CAMK1D: variants seen among roughly 807,000 people sequenced by gnomAD.
The protein encoded by CAMK1D is calcium/calmodulin-dependent protein kinase type 1D.
CAMK1D carries 9 observed loss-of-function variants against 47.7 expected under a neutral mutation model. The ratio of observed to expected loss-of-function variants is 0.19; its 90% confidence interval spans 0.11 to 0.33. The LOEUF is 0.33. Among genes scored for constraint, CAMK1D ranks in the 10% least tolerant of loss-of-function variants. CAMK1D has a pLI of 1.00. For synonymous variants in CAMK1D, 184 were observed against 184.9 expected (o/e 0.99, Z 0.04); for missense variants, 291 against 488.7 (o/e 0.60, Z 3.81).
At chr10:12,653,885 G>A (rs557701932) in intron 2 of CAMK1D, among the ~76,000 whole-genome samples, 1 of 152,232 alleles carries the variant, frequency 6.6e-6, no homozygotes, top group East Asian at 1.9e-4. Flanking sequence ...GCAGCACTGG[G>A]TCCTCCAATT....
At chr10:12,624,120 C>T (rs571641831) in intron 2 of CAMK1D, among the ~76,000 whole-genome samples, 3 of 152,098 alleles carry the variant, frequency 2.0e-5, no homozygotes, top group East Asian at 1.9e-4. Context: ...AAGGAAAAGA[C>T]GAAGAATCAC....
intron 1 of CAMK1D, among the ~76,000 whole-genome samples, chr10:12,468,956 G>C (rs963074523): frequency 1.3e-5 from 2 of 152,094 alleles, no homozygotes; most frequent in East Asian, 1.9e-4. Flanking sequence ...CCTCTTTCTG[G>C]TCCCAAATCT....
rs1004155541 is a variant in CAMK1D, at chr10:12,591,278, C to T, written c.224+37922C>T. On this transcript the variant is annotated intron_variant, in intron 2 of 10. Coordinates refer to ENST00000619168, the MANE Select transcript of CAMK1D (RefSeq NM_153498.4). ...CCAATAACCCCTGTAGCAATTGGCC[C>T]GGCATGCCCAGGACTTGATCAATTA... is the stretch of plus-strand genomic sequence containing the variant. Among the ~76,000 whole-genome samples the T allele has an allele frequency of 2.6e-5, 4 of 152,196 alleles. No homozygotes were observed. The East Asian group carries it at 5.8e-4, about 22-fold the overall frequency.
chr10:12,696,700 T>C (rs552550568), intron 3 of CAMK1D, among the ~76,000 whole-genome samples: 107 of 152,368 alleles, frequency 7.0e-4, no homozygotes, highest in African/African-American at 2.4e-3. Context: ...GAATTCTACC[T>C]GCAATTCTTG....
chr10:12,771,811 G>T (rs1837052337), intron 5 of CAMK1D, among the ~76,000 whole-genome samples: 1 of 152,144 alleles, frequency 6.6e-6, no homozygotes, highest in Non-Finnish European at 1.5e-5. Context: ...AGGTGGTTGG[G>T]TCAGTTGAGT....
intron 1 of CAMK1D, among the ~76,000 whole-genome samples, chr10:12,361,934 TG>T (rs1387048457): frequency 6.6e-6 from 1 of 152,154 alleles, no homozygotes; most frequent in Non-Finnish European, 1.5e-5. Context: ...TACCTAAGTT[TG>T]GGGTTCCGTC....
intron 1 of CAMK1D, among the ~76,000 whole-genome samples, chr10:12,394,267 G>A (rs1838855553): frequency 6.6e-6 from 1 of 152,150 alleles, no homozygotes; most frequent in African/African-American, 2.4e-5. Context: ...CTCTCCGGGT[G>A]CCCCACCTCC....
chr10:12,628,211 A>G (rs771937271), intron 2 of CAMK1D, among the ~76,000 whole-genome samples: 5 of 152,212 alleles, frequency 3.3e-5, no homozygotes, highest in Admixed American at 1.3e-4. Context: ...CTTTCAGGTA[A>G]ATATCTACGA....
chr10:12,617,176 A>G (rs1224489234), intron 2 of CAMK1D, among the ~76,000 whole-genome samples: 2 of 152,204 alleles, frequency 1.3e-5, no homozygotes, highest in African/African-American at 2.4e-5. Context: ...TAAGCTTTGC[A>G]GTAAGATTAC....
intron 2 of CAMK1D, among the ~76,000 whole-genome samples, chr10:12,558,409 C>T (rs999505682): frequency 6.6e-6 from 1 of 152,120 alleles, no homozygotes; most frequent in Non-Finnish European, 1.5e-5. Context: ...CAAAAATTAG[C>T]TGAGCGTTGT....
intron 1 of CAMK1D, among the ~76,000 whole-genome samples, chr10:12,388,877 G>A (rs1267253120): frequency 1.4e-4 from 21 of 152,158 alleles, no homozygotes; most frequent in East Asian, 5.8e-4. Context: ...CTGGAGGCAC[G>A]TCGTGCTGTT....
At chr10:12,554,905 C>A (rs940793392) in intron 2 of CAMK1D, among the ~76,000 whole-genome samples, 1 of 152,114 alleles carries the variant, frequency 6.6e-6, no homozygotes, top group African/African-American at 2.4e-5. Context: ...AGTGTGGTGT[C>A]CACACCGTTC....
chr10:12,756,917 C>T (rs911616003), intron 3 of CAMK1D, among the ~76,000 whole-genome samples: 1 of 152,088 alleles, frequency 6.6e-6, no homozygotes, highest in Non-Finnish European at 1.5e-5. Context: ...AGTGAGACTC[C>T]GTCTCAAAAT....
At chr10:12,575,924 C>T (rs557887102) in intron 2 of CAMK1D, among the ~76,000 whole-genome samples, 18 of 152,228 alleles carry the variant, frequency 1.2e-4, no homozygotes, top group African/African-American at 2.9e-4. Flanking sequence ...AAAATGCAAG[C>T]GCAAGCACAC....
chr10:12,734,345 AATATATAT>A (rs1212612487), intron 3 of CAMK1D, among the ~76,000 whole-genome samples: 1,173 of 8,318 alleles, frequency 0.14, 243 homozygotes, highest in East Asian at 0.31. Flanking sequence ...AAAAAAAAAA[AATATATAT>A]ATATATATAT....
At chr10:12,783,244 C>G (rs924104849) in intron 5 of CAMK1D, among the ~76,000 whole-genome samples, 12 of 152,200 alleles carry the variant, frequency 7.9e-5, no homozygotes, top group Non-Finnish European at 1.6e-4. Flanking sequence ...CCGCCCACCT[C>G]AGCCTCCCAA....
intron 1 of CAMK1D, among the ~76,000 whole-genome samples, chr10:12,484,139 G>C (rs1331100759): frequency 6.6e-6 from 1 of 152,204 alleles, no homozygotes; most frequent in East Asian, 1.9e-4. Flanking sequence ...CCAAGTGTCT[G>C]TCACCCATGA....
In CAMK1D at chr10:12,829,751, T is replaced by G. The variant is rs1027534092; in HGVS notation, c.*864T>G. 1.0e-4 allele frequency: 14 copies of G among 134,262 alleles called. No individual in the cohort carries two copies. The highest frequency in any genetic ancestry group is 1.8e-4 in the Non-Finnish European group (11 of 61,986). The allele number at this position is 134,262 out of a possible 1,614,324, so 8.3% of individuals were successfully genotyped here. Reference sequence around the variant, plus strand: ...CTGTCTCAAAAAAAAAAAAAAAAATTCTAACAAGAGGATCATGAATCTGTC... The same window carrying G: ...CTGTCTCAAAAAAAAAAAAAAAAATGCTAACAAGAGGATCATGAATCTGTC... On this transcript the variant is annotated 3_prime_UTR_variant, in exon 11 of 11. Coordinates refer to ENST00000619168, the MANE Select transcript of CAMK1D (RefSeq NM_153498.4).
intron 2 of CAMK1D, among the ~76,000 whole-genome samples, chr10:12,619,032 A>C (rs996017788): frequency 6.6e-6 from 1 of 152,222 alleles, no homozygotes; most frequent in Admixed American, 6.5e-5. Context: ...CAGTACTACT[A>C]CCTGAGATGT....
Sources: gnomAD v4.1 joint callset for allele counts (sites outside exome capture counted in the v4.1 genomes callset) on GRCh38, gnomAD v4.1.1 for gene constraint, MANE v1.5 for transcripts, NCBI Gene and HGNC (gene_info 2026-07-23, HGNC 2026-07-21) for gene names.